RNF213: variants seen among roughly 807,000 people sequenced by gnomAD.
RNF213 encodes E3 ubiquitin-protein ligase RNF213.
Under a neutral mutation model 514.4 loss-of-function variants are expected in RNF213, and 341 were observed. The ratio of observed to expected loss-of-function variants is 0.66; its 90% CI spans 0.61 to 0.73. The LOEUF (loss-of-function observed/expected upper bound fraction) is 0.73. Ranked by LOEUF, RNF213 falls within the 30% of genes least tolerant of loss-of-function variation. The pLI is 0.00. For missense variants in RNF213, 5,767 were observed against 6,615.6 expected, an observed-to-expected ratio of 0.87 and a Z score of 4.45; for synonymous variants, 2,655 against 2,658.2, an observed-to-expected ratio of 1.00 and a Z score of 0.04.
At chr17:80,331,874 G>A in intron 20 of RNF213, 132 bp from the exon 21 acceptor site, 2 of 1,101,974 alleles carry the variant, frequency 1.8e-6, no homozygotes, top group Non-Finnish European at 2.5e-6. Context: ...CTCTTCCTGA[G>A]AAAGAAATCC....
rs1304495601 is a variant in RNF213, at chr17:80,386,254, G to C, written c.14544G>C (p.Glu4848Asp). Residue 4848 changes from glutamate (E) to aspartate (D), a missense_variant, in exon 62 of 68, where the codon GAG becomes GAC. Glu to Asp is a conservative substitution (Grantham distance 45). Transcript: ENST00000582970. ...KLRRSLETNG[E>D]INLPKDYCST... is the part of the protein sequence containing the mutation. The stretch of plus-strand genomic sequence containing the variant: ...GCATAACCCTGTCGTTTAAAGGTGA[G>C]ATCAACCTACCCAAAGACTACTGCA... 1.9e-6 allele frequency: 3 copies of C among 1,608,022 alleles called. No homozygotes were observed. The Admixed American group carries it at 5.0e-5, about 27-fold the overall frequency.
rs1366119700 is a variant in RNF213 at position 80,313,136 on chromosome 17, G to A, written c.2780G>A (p.Gly927Asp). ...ACAAAGAACATGCTCACATCTTCAGGTGCCTCATTCACATACGTCAAGGAA... is the reference window on the plus strand; with the variant it reads ...ACAAAGAACATGCTCACATCTTCAGATGCCTCATTCACATACGTCAAGGAA... ...VFTKNMLTSS[G>D]ASFTYVKEIE... The change falls in exon 15 of 68, where the codon GGT (glycine) becomes GAT (aspartate). Residue 927 changes from glycine (G) to aspartate (D), a missense_variant. This residue lies in a region of RNF213 where 592 missense variants were observed against 673.9 expected (regional missense o/e 0.88). Transcript: ENST00000582970. The A allele has an allele frequency of 1.2e-6, 2 of 1,614,130 alleles. No individual in the cohort carries two copies. Among genetic ancestry groups the A allele is most frequent in the Non-Finnish European group, 1.7e-6 (2 of 1,180,036 alleles).
At chr17:80,285,312 A>G (rs1284631033) in intron 3 of RNF213, among the ~76,000 whole-genome samples, 1 of 152,202 alleles carries the variant, frequency 6.6e-6, no homozygotes, top group Admixed American at 6.5e-5. Flanking sequence ...GCATGGGGTG[A>G]GCTGGATGGG....
rs1361654794 is a variant in RNF213, at chr17:80,278,715, C to T, written c.261+5311C>T. The T allele has an allele frequency of 5.9e-6, 9 of 1,532,236 alleles. No individual in the cohort carries two copies. In the Admixed American group the frequency reaches 1.6e-4, roughly 27 times the overall value. The allele number at this position is 1,532,236 out of a possible 1,614,324, so 94.9% of individuals were successfully genotyped here. A position where few individuals can be genotyped will look rare whatever the true frequency, so the allele number is the denominator to read the frequency against. ...TCTTTGCGAGTCTACTGGAGCTGTG[C>T]GTGGGGTGCACAGCCCTGCCCTGTC... On this transcript the variant is annotated intron_variant, in intron 3 of 67. Transcript: ENST00000582970.
rs547331626 is a variant in RNF213 at position 80,278,708 on chromosome 17, A to C, written c.261+5304A>C. 2.7e-5 allele frequency: 41 copies of C among 1,526,196 alleles called. No homozygotes were observed. The East Asian group carries it at 1.0e-3, about 38-fold the overall frequency. The allele number at this position is 1,526,196 out of a possible 1,614,324, so 94.5% of individuals were successfully genotyped here. ...GGTGGGGTCTTTGCGAGTCTACTGGAGCTGTGCGTGGGGTGCACAGCCCTG... is the reference window on the plus strand; with the variant it reads ...GGTGGGGTCTTTGCGAGTCTACTGGCGCTGTGCGTGGGGTGCACAGCCCTG... On this transcript the variant is annotated intron_variant, in intron 3 of 67. Coordinates refer to ENST00000582970, the MANE Select transcript of RNF213 (RefSeq NM_001256071.3).
At chr17:80,303,432 A>C (rs193127589) in intron 11 of RNF213, among the ~76,000 whole-genome samples, 1 of 152,248 alleles carries the variant, frequency 6.6e-6, no homozygotes, top group South Asian at 2.1e-4. Context: ...GACTGGGGAC[A>C]GCAGAAAAAA....
chr17:80,359,035 G>A (rs1224319247), intron 37 of RNF213, among the ~76,000 whole-genome samples: 3 of 152,154 alleles, frequency 2.0e-5, no homozygotes, highest in East Asian at 1.9e-4. Context: ...GAGACAGTGC[G>A]CTGCGAACAG....
intron 38 of RNF213, 97 bp downstream of exon 38, chr17:80,360,303 G>A (rs1274472966): frequency 2.9e-6 from 4 of 1,384,866 alleles, no homozygotes; most frequent in Non-Finnish European, 4.0e-6. Context: ...ATTGCAAGGT[G>A]AATTTTGGAG....
intron 54 of RNF213, among the ~76,000 whole-genome samples, chr17:80,379,105 T>C (rs1038318849): frequency 2.6e-5 from 4 of 151,542 alleles, no homozygotes; most frequent in Admixed American, 1.3e-4. Context: ...GGTAGGAGGA[T>C]TGCTTGAGCC....
Position 80,275,065 on chromosome 17 carries a change from TG to T in RNF213, c.261+1666del, listed in dbSNP as rs559655297. On this transcript the variant is annotated intron_variant, in intron 3 of 67. Coordinates refer to ENST00000582970, the MANE Select transcript of RNF213 (RefSeq NM_001256071.3). The stretch of plus-strand genomic sequence containing the variant: ...TGGGGGTGTGTGTTGGTGTGTGAGT[TG>T]GGGGTGTGTGAGTGGGGTGTGTTGG... Among the ~76,000 whole-genome samples the T allele has an allele frequency of 3.1e-3, 178 of 56,838 alleles. 2 individuals are homozygous for T. The highest frequency in any genetic ancestry group is 0.026 in the Middle Eastern group (2 of 78). The allele number at this position is 56,838 out of a possible 152,430, so 37.3% of individuals were successfully genotyped here.
At chr17:80,293,964 G>T (rs1042667878) in intron 8 of RNF213, among the ~76,000 whole-genome samples, 6 of 152,006 alleles carry the variant, frequency 3.9e-5, no homozygotes, top group Non-Finnish European at 7.4e-5. Context: ...GGGCGGGCCT[G>T]CCAGTCTAGA....
rs369827804 is a variant in RNF213 at position 80,312,956 on chromosome 17, C to T, written c.2656-56C>T. 2,682 of 1,606,178 alleles carry T rather than the reference C, an allele frequency of 1.7e-3. 20 individuals are homozygous for T. The highest frequency in any genetic ancestry group is 0.015 in the African/African-American group (1,117 of 74,846). ...GAGAGGAGGGGGTGCAGCATCTCGC[C>T]GGGAACCTGAGTCCACAGCCGAGGA... On this transcript the variant is annotated intron_variant, in intron 14 of 67. Transcript: ENST00000582970.
chr17:80,382,080 A>G, intron 57 of RNF213: 3 of 324,412 alleles, frequency 9.2e-6, no homozygotes, highest in Non-Finnish European at 1.8e-5. Flanking sequence ...TCATTCCCCT[A>G]CCATGCTGGG....
chr17:80,357,629 G>A (rs533451402), intron 36 of RNF213, among the ~76,000 whole-genome samples: 54 of 152,126 alleles, frequency 3.5e-4, no homozygotes, highest in Non-Finnish European at 4.4e-4. Context: ...AGAGAACCTC[G>A]ATGACTTGTT....
At chr17:80,356,006 G>GC (rs2078801055) in intron 36 of RNF213, among the ~76,000 whole-genome samples, 1 of 89,404 alleles carries the variant, frequency 1.1e-5, no homozygotes, top group South Asian at 3.0e-4. Context: ...CTCTCTTGAT[G>GC]CTTTTTTTTT....
At chr17:80,351,556 G>T (rs1197949549) in intron 31 of RNF213, 129 bp from the exon 32 acceptor site, 2 of 637,876 alleles carry the variant, frequency 3.1e-6, no homozygotes, top group African/African-American at 3.7e-5. Flanking sequence ...GGAACGGGTG[G>T]CCGTGAGACC....
At chr17:80,290,441 ATGTG>A (rs528062047) in intron 6 of RNF213, 125 bp from the exon 7 acceptor site, 1 of 1,093,362 alleles carries the variant, frequency 9.1e-7, no homozygotes, top group Non-Finnish European at 1.4e-6. Flanking sequence ...GCGTGTGTGC[ATGTG>A]TGTGTGCGAG....
At chr17:80,272,718 A>T (rs1246914123) in intron 2 of RNF213, among the ~76,000 whole-genome samples, 1 of 152,162 alleles carries the variant, frequency 6.6e-6, no homozygotes, top group African/African-American at 2.4e-5. Flanking sequence ...GGGCTGGCAG[A>T]GTGGGTGCTC....
intron 63 of RNF213, among the ~76,000 whole-genome samples, chr17:80,387,427 A>C (rs2080282045): frequency 6.6e-6 from 1 of 152,132 alleles, no homozygotes; most frequent in Non-Finnish European, 1.5e-5. Context: ...TCTTGATTCT[A>C]CCAGTTAATG....
Sources: allele counts gnomAD v4.1 joint callset (sites outside exome capture counted in the v4.1 genomes callset), GRCh38; gene constraint gnomAD v4.1.1; regional missense constraint gnomAD v4.1.1; transcripts MANE v1.5; gene names NCBI Gene and HGNC (gene_info 2026-07-23, HGNC 2026-07-21).